SLC6A11: variants seen among roughly 807,000 people sequenced by gnomAD.
The protein encoded by SLC6A11 is solute carrier family 6 member 11, also known as sodium- and chloride-dependent GABA transporter 3.
In SLC6A11, 25 loss-of-function variants were observed where a neutral mutation model predicts 74.8. The ratio of observed to expected loss-of-function variants is 0.33; its 90% CI spans 0.24 to 0.47. The LOEUF (loss-of-function observed/expected upper bound fraction) is 0.47, where lower values mean the gene tolerates loss of function less well. SLC6A11 is among the 20% of genes least tolerant of loss of function. The pLI is 1.00. For synonymous variants in SLC6A11, 330 were observed against 330.2 expected (o/e 1.00, Z 0.01); for missense variants, 574 against 837.0 (o/e 0.69, Z 3.88).
At chr3:10,879,213 C>G (rs1384873988) in intron 6 of SLC6A11, among the ~76,000 whole-genome samples, 2 of 152,160 alleles carry the variant, frequency 1.3e-5, no homozygotes, top group Non-Finnish European at 2.9e-5. Flanking sequence ...GATTCTCTGT[C>G]AGCGATGGCT....
intron 5 of SLC6A11, among the ~76,000 whole-genome samples, chr3:10,858,297 A>G (rs1358127835): frequency 1.3e-5 from 2 of 152,260 alleles, no homozygotes; most frequent in African/African-American, 2.4e-5. Flanking sequence ...GGTTAAAAAA[A>G]TCTTCGAGGA....
At chr3:10,850,274 C>G (rs751561899) in intron 5 of SLC6A11, among the ~76,000 whole-genome samples, 1 of 152,232 alleles carries the variant, frequency 6.6e-6, no homozygotes, top group African/African-American at 2.4e-5. Flanking sequence ...AAAAATTTCA[C>G]TCCAGCCTTC....
chr3:10,893,677 A>G lies in SLC6A11; in HGVS notation c.892-18413A>G, dbSNP rs543457640. 2.6e-5 allele frequency among the ~76,000 whole-genome samples: 4 copies of G among 152,280 alleles called. No homozygotes were observed. The South Asian group carries it at 8.3e-4, about 32-fold the overall frequency. On this transcript the variant is annotated intron_variant, in intron 6 of 13. Coordinates refer to ENST00000254488, the MANE Select transcript of SLC6A11 (RefSeq NM_014229.3). ...ACGCGTCTCTTCCAGTGAGGCCTCC[A>G]GTTCCCACTGTGGGACGAGAGTATT...
intron 11 of SLC6A11, 78 bp from the exon 12 acceptor site, chr3:10,933,988 C>A: frequency 1.1e-6 from 1 of 918,824 alleles, no homozygotes; most frequent in Non-Finnish European, 1.8e-6. Flanking sequence ...AGAAAGCAAA[C>A]ACTCCTAGCC....
intron 4 of SLC6A11, among the ~76,000 whole-genome samples, chr3:10,837,071 G>A (rs1694376383): frequency 1.3e-5 from 2 of 152,208 alleles, no homozygotes; most frequent in Admixed American, 1.3e-4. Context: ...CTTAGCCTGG[G>A]TGGCAGGAGG....
rs1694697106 is a variant in SLC6A11, at chr3:10,861,013, G to A, written c.757-13948G>A. ...GGTGGCTCCTAAACCCATAGGAATA[G>A]GAAAGAAAACCCAGGAGAGTGTTTA... On this transcript the variant is annotated intron_variant, in intron 5 of 13. Transcript: ENST00000254488. 3.3e-5 allele frequency among the ~76,000 whole-genome samples: 5 copies of A among 152,320 alleles called. No individual in the cohort carries two copies. The South Asian group carries it at 1.0e-3, about 32-fold the overall frequency.
At chr3:10,873,962 G>A (rs962921955) in intron 5 of SLC6A11, among the ~76,000 whole-genome samples, 7 of 147,890 alleles carry the variant, frequency 4.7e-5, no homozygotes, top group South Asian at 4.2e-4. Flanking sequence ...GCTATGCTAC[G>A]CTATGCTATG....
chr3:10,932,650 G>C (rs1383857566), intron 10 of SLC6A11, among the ~76,000 whole-genome samples: 1 of 152,186 alleles, frequency 6.6e-6, no homozygotes, highest in Non-Finnish European at 1.5e-5. Context: ...TGGGAAGGGA[G>C]ATGAGGCCAA....
rs560611717 is a variant in SLC6A11, at chr3:10,927,699, A to G, written c.1234-1503A>G. ...GCTGAGGCGGAGCAGCTGCGAGGCC[A>G]TAGCCTGGGCTTGAGTCCCAGCCCC... On this transcript the variant is annotated intron_variant, in intron 9 of 13. Coordinates refer to ENST00000254488, the MANE Select transcript of SLC6A11 (RefSeq NM_014229.3). Among the ~76,000 whole-genome samples, 13 of 152,302 alleles carry G rather than the reference A, an allele frequency of 8.5e-5. 1 individual carries two copies. In the South Asian group the frequency reaches 2.5e-3, roughly 29 times the overall value.
intron 10 of SLC6A11, among the ~76,000 whole-genome samples, chr3:10,930,965 G>A (rs763368716): frequency 6.6e-6 from 1 of 152,194 alleles, no homozygotes; most frequent in Non-Finnish European, 1.5e-5. Context: ...CAGTGGAGAA[G>A]TTCAAATTGC....
In SLC6A11 at chr3:10,912,143, C is replaced by T; in HGVS notation, c.945C>T (p.Gly315=). 6.2e-7 allele frequency: 1 copy of T among 1,613,952 alleles called. No homozygotes were observed. The highest frequency in any genetic ancestry group is 8.5e-7 in the Non-Finnish European group (1 of 1,179,818). Residue 315 remains glycine, a synonymous_variant, in exon 7 of 14, where the codon GGC becomes GGT. Transcript: ENST00000254488. The part of the protein sequence containing the change: ...QIFFSYAICL[G]CLTALGSYNN... ...TTTTCTCCTATGCCATTTGCCTGGG[C>T]TGTCTGACCGCTCTGGGAAGTTATA...
At chr3:10,928,152 C>T (rs1695633983) in intron 9 of SLC6A11, among the ~76,000 whole-genome samples, 2 of 152,250 alleles carry the variant, frequency 1.3e-5, no homozygotes, top group Middle Eastern at 6.8e-3. Context: ...CCTGGCACAT[C>T]GCAGGTATGA....
intron 7 of SLC6A11, among the ~76,000 whole-genome samples, chr3:10,917,477 G>A (rs1237745987): frequency 6.6e-6 from 1 of 152,158 alleles, no homozygotes; most frequent in Non-Finnish European, 1.5e-5. Context: ...TATTAACATG[G>A]ATTGTATGCC....
intron 12 of SLC6A11, among the ~76,000 whole-genome samples, chr3:10,934,615 CCTT>C (rs1168432787): frequency 2.0e-5 from 3 of 152,364 alleles, no homozygotes; most frequent in South Asian, 2.1e-4. Flanking sequence ...TCCTATCACT[CCTT>C]ATCCGTTTCT....
intron 1 of SLC6A11, among the ~76,000 whole-genome samples, chr3:10,818,950 C>A (rs897888002): frequency 1.1e-4 from 17 of 152,134 alleles, no homozygotes; most frequent in African/African-American, 3.9e-4. Context: ...GTACTTAATT[C>A]TTTGAGGCTT....
At chr3:10,904,653 G>A (rs1402423332) in intron 6 of SLC6A11, among the ~76,000 whole-genome samples, 8 of 152,192 alleles carry the variant, frequency 5.3e-5, no homozygotes, top group African/African-American at 1.9e-4. Flanking sequence ...GGTCAGTAGG[G>A]CTCAGTTGCC....
At chr3:10,848,766 G>A (rs1160447108) in intron 5 of SLC6A11, among the ~76,000 whole-genome samples, 2 of 152,164 alleles carry the variant, frequency 1.3e-5, no homozygotes, top group Non-Finnish European at 2.9e-5. Context: ...AATACAACTT[G>A]GGGATTCTCA....
chr3:10,929,619 AG>A (rs1303944501), intron 10 of SLC6A11, among the ~76,000 whole-genome samples: 1 of 152,196 alleles, frequency 6.6e-6, no homozygotes, highest in Non-Finnish European at 1.5e-5. Flanking sequence ...TGTCATGGTG[AG>A]CACATGGACT....
chr3:10,886,087 G>A (rs540772306), intron 6 of SLC6A11, among the ~76,000 whole-genome samples: 113 of 152,344 alleles, frequency 7.4e-4, no homozygotes, highest in Non-Finnish European at 1.3e-3. Context: ...AGCAGGATGG[G>A]CAAACCCTCT....
Sources: allele counts gnomAD v4.1 joint callset (sites outside exome capture counted in the v4.1 genomes callset), GRCh38; gene constraint gnomAD v4.1.1; transcripts MANE v1.5; gene names NCBI Gene and HGNC (gene_info 2026-07-23, HGNC 2026-07-21).